MEP1B: variants seen among roughly 807,000 people sequenced by gnomAD.
MEP1B encodes N-benzoyl-L-tyrosyl-P-amino-benzoic acid hydrolase subunit beta.
Under a neutral mutation model 84.6 loss-of-function variants are expected in MEP1B, and 80 were observed. The ratio of observed to expected loss-of-function variants is 0.95; its 90% confidence interval spans 0.79 to 1.14. The LOEUF is 1.14. MEP1B is among the 50% of genes most tolerant of loss of function. The pLI is 0.00. For synonymous variants in MEP1B, 273 were observed against 288.1 expected (o/e 0.95, Z 0.53); for missense variants, 766 against 855.1 (o/e 0.90, Z 1.30).
In MEP1B at chr18:32,206,060, C is replaced by T. The variant is rs991227437; in HGVS notation, c.548-1192C>T. ...GCAGTGGTGCGATCTTGGCTCACTG[C>T]AACCTCCACCTCCTGGGTTCAAGTG... On this transcript the variant is annotated intron_variant, in intron 7 of 14. Transcript: ENST00000269202. Among the ~76,000 whole-genome samples the T allele has an allele frequency of 4.6e-5, 7 of 152,214 alleles. No individual in the cohort carries two copies. The East Asian group carries it at 1.2e-3, about 25-fold the overall frequency.
intron 5 of MEP1B, among the ~76,000 whole-genome samples, chr18:32,197,947 T>G (rs2040872630): frequency 6.6e-6 from 1 of 152,220 alleles, no homozygotes; most frequent in South Asian, 2.1e-4. Flanking sequence ...TCCATGTCTA[T>G]GCAATATTTA....
chr18:32,199,664 G>GTTCCTTCCTTCCTTCCTTCC (rs1274003921), intron 5 of MEP1B, among the ~76,000 whole-genome samples: 7 of 91,148 alleles, frequency 7.7e-5, no homozygotes, highest in African/African-American at 4.0e-4. Context: ...TTTTCCTTTC[G>GTTCCTTCCTTCCTTCCTTCC]TTCGTTCCTT....
At chr18:32,209,299 CA>C (rs1338708220) in intron 9 of MEP1B, among the ~76,000 whole-genome samples, 2 of 152,042 alleles carry the variant, frequency 1.3e-5, no homozygotes, top group Non-Finnish European at 2.9e-5. Flanking sequence ...CCAGCTGGGC[CA>C]ACATGGTGAA....
chr18:32,215,249 C>T lies in MEP1B; in HGVS notation c.1747C>T (p.Leu583=). 6.3e-7 allele frequency: 1 copy of T among 1,582,164 alleles called. No individual in the cohort carries two copies. The highest frequency in any genetic ancestry group is 1.4e-5 in the African/African-American group (1 of 73,050). The change falls in exon 12 of 15, where the codon CTG becomes TTG. Residue 583 remains leucine (L), a synonymous_variant. Transcript: ENST00000269202. ...AAAAGGAGATGATGTTTATATCCTACTGACAGTGGAAGGTATGTCAATAAA... is the reference window on the plus strand; with the variant it reads ...AAAAGGAGATGATGTTTATATCCTATTGACAGTGGAAGGTATGTCAATAAA... ...FIKGDDVYIL[L]TVEDISHLNS...
At chr18:32,218,390 GC>G (rs2041116367) in intron 14 of MEP1B, among the ~76,000 whole-genome samples, 1 of 152,150 alleles carries the variant, frequency 6.6e-6, no homozygotes, top group Admixed American at 6.5e-5. Flanking sequence ...GTTTGGGGAA[GC>G]TTTTTCATTA....
intron 14 of MEP1B, among the ~76,000 whole-genome samples, chr18:32,219,161 C>T (rs990845548): frequency 4.6e-5 from 7 of 151,938 alleles, no homozygotes; most frequent in South Asian, 4.1e-4. Context: ...TTAAGAAAAA[C>T]GATTATTCAA....
chr18:32,204,325 A>G lies in MEP1B; in HGVS notation c.512A>G (p.Asp171Gly), dbSNP rs1417170240. The change falls in exon 7 of 15, where the codon GAC (aspartate) becomes GGC (glycine). Residue 171 changes from aspartate (D) to glycine (G), a missense_variant. Physicochemically the swap from Asp to Gly is moderately conservative, Grantham distance 94. Coordinates refer to ENST00000269202, the MANE Select transcript of MEP1B (RefSeq NM_005925.3). ...WHEQSRSDRDDYVRIMWDRIL... is the reference protein window; with the variant it reads ...WHEQSRSDRDGYVRIMWDRIL... ...GAGCAGTCGCGTTCTGACCGGGATGACTATGTCAGGATAATGTGGGACAGA... is the reference window on the plus strand; with the variant it reads ...GAGCAGTCGCGTTCTGACCGGGATGGCTATGTCAGGATAATGTGGGACAGA... The G allele has an allele frequency of 1.2e-6, 2 of 1,600,780 alleles. No individual in the cohort carries two copies. Among genetic ancestry groups the G allele is most frequent in the Admixed American group, 1.7e-5 (1 of 58,178 alleles).
chr18:32,195,906 A>C, intron 5 of MEP1B: 1 of 251,484 alleles, frequency 4.0e-6, no homozygotes, highest in Non-Finnish European at 7.7e-6. Context: ...GTGAGGGTGA[A>C]ACATGGAAGA....
chr18:32,214,153 C>G (rs1263161193), intron 11 of MEP1B, among the ~76,000 whole-genome samples: 1 of 152,138 alleles, frequency 6.6e-6, no homozygotes, highest in Non-Finnish European at 1.5e-5. Flanking sequence ...TGAGCAGGTG[C>G]ATTCAAGTGT....
intron 14 of MEP1B, 78 bp from the exon 15 acceptor site, chr18:32,220,153 A>T: frequency 3.7e-6 from 5 of 1,353,826 alleles, no homozygotes; most frequent in Non-Finnish European, 5.2e-6. Context: ...TAAAGACCAG[A>T]TCATTTTATT....
At chr18:32,219,521 GATGA>G (rs2041127887) in intron 14 of MEP1B, among the ~76,000 whole-genome samples, 1 of 152,156 alleles carries the variant, frequency 6.6e-6, no homozygotes, top group African/African-American at 2.4e-5. Flanking sequence ...GGGCCATTGG[GATGA>G]GCCAGGAGTT....
intron 5 of MEP1B, among the ~76,000 whole-genome samples, chr18:32,201,299 T>TACAC (rs58057830): frequency 0.25 from 35,636 of 144,102 alleles, 4,297 homozygotes; most frequent in Non-Finnish European, 0.28. Flanking sequence ...CATATGTAGA[T>TACAC]ACACACACAC....
chr18:32,218,005 G>A, intron 14 of MEP1B, 40 bp downstream of exon 14: 1 of 1,591,182 alleles, frequency 6.3e-7, no homozygotes, highest in Non-Finnish European at 8.6e-7. Flanking sequence ...TAACCTATTG[G>A]TGAAATCTTA....
chr18:32,205,979 C>CTTTA (rs1299427785), intron 7 of MEP1B, among the ~76,000 whole-genome samples: 4 of 151,772 alleles, frequency 2.6e-5, no homozygotes, highest in Admixed American at 6.6e-5. Flanking sequence ...AGTCATTATG[C>CTTTA]TTTATTTATT....
intron 4 of MEP1B, among the ~76,000 whole-genome samples, chr18:32,194,572 C>G (rs748562026): frequency 1.3e-4 from 20 of 152,022 alleles, no homozygotes; most frequent in Non-Finnish European, 2.8e-4. Context: ...CTACTGGTCT[C>G]AACACATATT....
In MEP1B at chr18:32,196,909, C is replaced by T. The variant is rs9635883; in HGVS notation, c.250+1424C>T. ...AGGCGCAGGCAGGCTCAGATCTCCA[C>T]GTGCACTGCTCCCTACACTTGGTTA... On this transcript the variant is annotated intron_variant, in intron 5 of 14. Coordinates refer to ENST00000269202, the MANE Select transcript of MEP1B (RefSeq NM_005925.3). The surrounding 1 kb of genome is among the most constrained non-coding windows in gnomAD (Gnocchi z 4.4). 9.3e-6 allele frequency: 4 copies of T among 431,154 alleles called. No homozygotes were observed. The highest frequency in any genetic ancestry group is 4.5e-4 in the Middle Eastern group (1 of 2,236). 26.7% of individuals were successfully genotyped at this position (431,154 alleles called of 1,614,324 possible).
In MEP1B at chr18:32,207,331, G is replaced by A; in HGVS notation, c.627G>A (p.Met209Ile). Residue 209 changes from methionine (M) to isoleucine (I), a missense_variant, in exon 8 of 15, where the codon ATG (methionine) becomes ATA (isoleucine). Coordinates refer to ENST00000269202, the MANE Select transcript of MEP1B (RefSeq NM_005925.3). ...LNVPYDYTSV[M>I]HYSKTAFQNG... ...TTCCCTATGATTACACTTCAGTAAT[G>A]CACTACAGTAAAACTGCATTCCAAA... 1 of 1,612,520 alleles carries A rather than the reference G, an allele frequency of 6.2e-7. No homozygotes were observed. The highest frequency in any genetic ancestry group is 8.5e-7 in the Non-Finnish European group (1 of 1,178,834).
chr18:32,213,596 C>A, intron 11 of MEP1B, 37 bp downstream of exon 11: 14 of 1,485,666 alleles, frequency 9.4e-6, no homozygotes, highest in Non-Finnish European at 1.3e-5. Context: ...AATAAACAAT[C>A]ATTGCTCTAG....
Position 32,213,163 on chromosome 18 carries a change from A to C in MEP1B, c.1183A>C (p.Thr395Pro), listed in dbSNP as rs2041045629. 1 of 1,613,880 alleles carries C rather than the reference A, an allele frequency of 6.2e-7. No individual in the cohort carries two copies. ...WQLYHVTLKV[T>P]KKFRVVFEGR... ...ACTTTATCATGTAACATTGAAAGTG[A>C]CCAAGAAGTTTAGAGTGGTGTTTGA... Residue 395 changes from threonine (T) to proline (P), a missense_variant, in exon 11 of 15, where the codon ACC (threonine) becomes CCC (proline). By Grantham distance (38) the Thr-to-Pro change is conservative. Coordinates refer to ENST00000269202, the MANE Select transcript of MEP1B (RefSeq NM_005925.3).
Sources: allele counts gnomAD v4.1 joint callset (sites outside exome capture counted in the v4.1 genomes callset), GRCh38; gene constraint gnomAD v4.1.1; non-coding constraint Gnocchi (gnomAD v3.1); transcripts MANE v1.5; gene names NCBI Gene and HGNC (gene_info 2026-07-23, HGNC 2026-07-21).